Variants in GPHN observed in about 807,000 individuals in gnomAD.
GPHN encodes gephyrin.
Under a neutral mutation model 95.5 loss-of-function variants are expected in GPHN, and 17 were observed. The observed-to-expected ratio is 0.18, with a 90% CI of 0.12 to 0.27. GPHN has a LOEUF of 0.27. GPHN is among the 10% of genes least tolerant of loss of function. GPHN has a pLI of 1.00. For missense variants in GPHN, 660 were observed against 978.1 expected (o/e 0.67, Z 4.34); for synonymous variants, 320 against 322.5 (o/e 0.99, Z 0.08).
At chr14:66,890,252 C>G (rs1188111430) in intron 5 of GPHN, among the ~76,000 whole-genome samples, 1 of 151,478 alleles carries the variant, frequency 6.6e-6, no homozygotes, top group Non-Finnish European at 1.5e-5. Flanking sequence ...ACTAAAAATT[C>G]AAAAAATTAG....
chr14:67,167,932 C>CT (rs1228995168), intron 20 of GPHN, among the ~76,000 whole-genome samples: 4 of 152,196 alleles, frequency 2.6e-5, no homozygotes, highest in African/African-American at 4.8e-5. Flanking sequence ...ACAGCCCACC[C>CT]TTCCTCCTTT....
the GPHN span, among the ~76,000 whole-genome samples, chr14:67,396,394 A>G: frequency 6.7e-6 from 1 of 150,360 alleles, no homozygotes; most frequent in African/African-American, 2.5e-5. Flanking sequence ...GTGATCTGCC[A>G]GCCTTGACCT....
chr14:66,721,796 C>A (rs2070762702), intron 2 of GPHN, among the ~76,000 whole-genome samples: 1 of 151,554 alleles, frequency 6.6e-6, no homozygotes, highest in South Asian at 2.1e-4. Context: ...ATCAAAAATA[C>A]AAAAATTAGC....
At chr14:67,007,888 T>C (rs1179750165) in intron 9 of GPHN, among the ~76,000 whole-genome samples, 3 of 151,822 alleles carry the variant, frequency 2.0e-5, no homozygotes, top group Non-Finnish European at 4.4e-5. Flanking sequence ...ATGGAGAAAA[T>C]AAAAAAGGGA....
chr14:67,384,163 A>AT, the GPHN span: 1 of 152,238 alleles, frequency 6.6e-6, no homozygotes, highest in East Asian at 1.9e-4. Context: ...CCACGTCCTT[A>AT]TTGGAATAAT....
At chr14:67,316,531 A>C in the GPHN span, among the ~76,000 whole-genome samples, 8 of 152,350 alleles carry the variant, frequency 5.3e-5, no homozygotes, top group African/African-American at 1.9e-4. Context: ...CCAGGATAGT[A>C]CTTTTCCACA....
At chr14:67,397,968 A>C in the GPHN span, 1 of 623,180 alleles carries the variant, frequency 1.6e-6, no homozygotes, top group Non-Finnish European at 2.7e-6. Context: ...TTGTGTCTGG[A>C]TCTCTTCTGA....
At chr14:66,553,493 T>G (rs1289313606) in intron 1 of GPHN, among the ~76,000 whole-genome samples, 1 of 152,216 alleles carries the variant, frequency 6.6e-6, no homozygotes, top group Non-Finnish European at 1.5e-5. Flanking sequence ...GGTTAGAGAA[T>G]TTTGATTGAT....
intron 1 of GPHN, among the ~76,000 whole-genome samples, chr14:66,614,794 T>G (rs2062933820): frequency 6.6e-6 from 1 of 152,166 alleles, no homozygotes; most frequent in Non-Finnish European, 1.5e-5. Flanking sequence ...ACCTGCAGAT[T>G]TGTTACATAG....
chr14:67,212,471 G>A, the GPHN span, among the ~76,000 whole-genome samples: 1 of 151,174 alleles, frequency 6.6e-6, no homozygotes, highest in African/African-American at 2.4e-5. Flanking sequence ...TGTGCCTGTA[G>A]TCCCAGTTAT....
At chr14:66,911,174 CATATT>C (rs2065657493) in intron 5 of GPHN, among the ~76,000 whole-genome samples, 1 of 151,826 alleles carries the variant, frequency 6.6e-6, no homozygotes, top group African/African-American at 2.4e-5. Flanking sequence ...CAAAAGGTGA[CATATT>C]ATATGTTTCC....
intron 12 of GPHN, among the ~76,000 whole-genome samples, chr14:67,091,694 A>G (rs2153670432): frequency 6.6e-6 from 1 of 152,116 alleles, no homozygotes; most frequent in African/African-American, 2.4e-5. Context: ...TCAATTAAAA[A>G]AAAAAATGGT....
chr14:67,231,775 T>C, the GPHN span, among the ~76,000 whole-genome samples: 1 of 152,074 alleles, frequency 6.6e-6, no homozygotes, highest in Non-Finnish European at 1.5e-5. Context: ...GAGACCAGCC[T>C]GGCCAACATG....
chr14:66,973,148 A>AT (rs1294192775), intron 9 of GPHN, among the ~76,000 whole-genome samples: 3 of 152,104 alleles, frequency 2.0e-5, no homozygotes, highest in African/African-American at 7.2e-5. Context: ...TTATATATAT[A>AT]TTTTTTTTCC....
At chr14:67,080,836 C>T (rs2076666518) in intron 11 of GPHN, among the ~76,000 whole-genome samples, 1 of 152,176 alleles carries the variant, frequency 6.6e-6, no homozygotes, top group South Asian at 2.1e-4. Context: ...TTAGCTCCCA[C>T]TTATAAGTGA....
At chr14:67,464,597 A>G in the GPHN span, among the ~76,000 whole-genome samples, 9 of 152,164 alleles carry the variant, frequency 5.9e-5, no homozygotes, top group Non-Finnish European at 1.2e-4. Context: ...CTCTTGTACC[A>G]GCTGTTTCCT....
At chr14:67,454,570 T>C in the GPHN span, 8 of 152,236 alleles carry the variant, frequency 5.3e-5, no homozygotes, top group Non-Finnish European at 1.0e-4. Flanking sequence ...ACTCATTCAT[T>C]CATCAAACAC....
At chr14:66,513,435 C>G (rs1017014769) in intron 1 of GPHN, among the ~76,000 whole-genome samples, 1 of 151,610 alleles carries the variant, frequency 6.6e-6, no homozygotes, top group Non-Finnish European at 1.5e-5. Flanking sequence ...TTTAATCTTG[C>G]TAGTGATAGA....
chr14:66,611,418 A>C (rs2062777588), intron 1 of GPHN, among the ~76,000 whole-genome samples: 1 of 152,176 alleles, frequency 6.6e-6, no homozygotes. Context: ...CTGTAGAGAC[A>C]AAAAAGCATA....
Sources: gnomAD v4.1 joint callset for allele counts (sites outside exome capture counted in the v4.1 genomes callset) on GRCh38, gnomAD v4.1.1 for gene constraint, MANE v1.5 for transcripts, NCBI Gene and HGNC (gene_info 2026-07-23, HGNC 2026-07-21) for gene names.